Variants in SLC16A7 observed in about 807,000 individuals in gnomAD.
SLC16A7 encodes the protein monocarboxylate transporter 2.
Under a neutral mutation model 34.9 loss-of-function variants are expected in SLC16A7, and 33 were observed. The observed-to-expected ratio is 0.94, with a 90% CI of 0.72 to 1.26. The LOEUF (loss-of-function observed/expected upper bound fraction) is 1.26, where lower values mean the gene tolerates loss of function less well. Ranked by LOEUF, SLC16A7 falls within the 50% of genes most tolerant of loss-of-function variation. The pLI, the probability that SLC16A7 is intolerant of heterozygous loss-of-function variation, is 0.00. For synonymous variants in SLC16A7, 201 were observed against 206.6 expected, an observed-to-expected ratio of 0.97 and a Z score of 0.23; for missense variants, 573 against 578.1, an observed-to-expected ratio of 0.99 and a Z score of 0.09.
At chr12:59,631,139 T>C (rs1051063033) in intron 1 of SLC16A7, among the ~76,000 whole-genome samples, 4 of 151,976 alleles carry the variant, frequency 2.6e-5, no homozygotes, top group African/African-American at 9.7e-5. Context: ...GTTTTACATA[T>C]ACTACAAGGT....
chr12:59,754,506 G>A (rs983872306), intron 3 of SLC16A7, among the ~76,000 whole-genome samples: 1 of 151,376 alleles, frequency 6.6e-6, no homozygotes, highest in African/African-American at 2.4e-5. Flanking sequence ...AGAAAATCTA[G>A]AAGAAATGGA....
chr12:59,724,412 A>C (rs552915670), intron 3 of SLC16A7, among the ~76,000 whole-genome samples: 15 of 152,224 alleles, frequency 9.9e-5, no homozygotes, highest in Middle Eastern at 6.8e-3. Flanking sequence ...TTTTATGTCA[A>C]TATAGATAAT....
At position 59,788,625 on chromosome 12, in the gene SLC16A7, G is replaced by A. The variant is rs1319616489; in HGVS notation, c.*8946G>A. 1 of 151,826 alleles carries A rather than the reference G, an allele frequency of 6.6e-6. No individual in the cohort carries two copies. Among genetic ancestry groups the A allele is most frequent in the African/African-American group, 2.4e-5 (1 of 41,382 alleles). The allele number at this position is 151,826 out of a possible 1,614,324, so 9.4% of individuals were successfully genotyped here. ...TGTCAAAGTTTTAAAATATAAGATA[G>A]AACCTTCTTTTTTTGCCTTCTTACA... On this transcript the variant is annotated 3_prime_UTR_variant, in exon 6 of 6. Coordinates refer to ENST00000547379, the MANE Select transcript of SLC16A7 (RefSeq NM_001270623.2).
intron 3 of SLC16A7, chr12:59,733,731 C>T: frequency 6.6e-6 from 3 of 456,068 alleles, no homozygotes; most frequent in Non-Finnish European, 1.3e-5. Context: ...CCCAAGCTCC[C>T]ATCTCACCTC....
chr12:59,725,691 C>T (rs534964491), intron 3 of SLC16A7, among the ~76,000 whole-genome samples: 1 of 151,978 alleles, frequency 6.6e-6, no homozygotes, highest in South Asian at 2.1e-4. Context: ...ATAATAAATG[C>T]TTTTACTTTT....
rs1271656618 is a variant in SLC16A7 at position 59,596,234 on chromosome 12, AAAGT to A, written c.-130+4_-130+7del. Reference sequence around the variant, plus strand: ...GCCCACCCTGCGCCAGAGACCAGATAAAGTAAGTACAGCTGGGGAGGGAGGGGAG... The same window carrying A: ...GCCCACCCTGCGCCAGAGACCAGATAAAGTACAGCTGGGGAGGGAGGGGAG... On this transcript the variant is annotated splice_donor_variant and 5_prime_UTR_variant, in exon 1 of 6. Transcript: ENST00000547379. LOFTEE classifies it low-confidence loss of function (5UTR_SPLICE). This position sits in a 1 kb window ranked among gnomAD's most constrained non-coding sequence, Gnocchi z 5.0. The A allele has an allele frequency of 6.6e-5, 10 of 152,668 alleles. No individual in the cohort carries two copies. Among genetic ancestry groups the A allele is most frequent in the Non-Finnish European group, 1.0e-4 (7 of 68,256 alleles). 9.5% of individuals were successfully genotyped at this position (152,668 alleles called of 1,614,324 possible).
intron 3 of SLC16A7, among the ~76,000 whole-genome samples, chr12:59,765,847 T>C (rs1047732617): frequency 6.6e-6 from 1 of 152,168 alleles, no homozygotes; most frequent in African/African-American, 2.4e-5. Flanking sequence ...AACTTTAAAG[T>C]AGTTTTTTCC....
At chr12:59,682,861 G>A (rs1385206693) in intron 2 of SLC16A7, among the ~76,000 whole-genome samples, 2 of 152,174 alleles carry the variant, frequency 1.3e-5, no homozygotes, top group African/African-American at 4.8e-5. Context: ...GAGGTCGAGA[G>A]TTCGAGACCA....
chr12:59,664,127 C>T (rs1869007055), intron 2 of SLC16A7, among the ~76,000 whole-genome samples: 1 of 152,048 alleles, frequency 6.6e-6, no homozygotes, highest in Non-Finnish European at 1.5e-5. Context: ...AATCAAAACG[C>T]TGAGCTTCAG....
At chr12:59,771,161 GAT>G in intron 3 of SLC16A7, 56 bp from the exon 4 acceptor site, 1 of 1,526,544 alleles carries the variant, frequency 6.6e-7, no homozygotes, top group Non-Finnish European at 8.9e-7. Context: ...GGATGTTAAA[GAT>G]AAACAAATAA....
At chr12:59,645,418 T>G (rs919633317) in intron 1 of SLC16A7, among the ~76,000 whole-genome samples, 3 of 152,224 alleles carry the variant, frequency 2.0e-5, no homozygotes, top group Non-Finnish European at 4.4e-5. Context: ...AGTAAATGAG[T>G]TCTCACAAGA....
rs1272274255 is a variant in SLC16A7 at position 59,596,536 on chromosome 12, G to C, written c.-130+300G>C. Among the ~76,000 whole-genome samples, 1 of 152,012 alleles carries C rather than the reference G, an allele frequency of 6.6e-6. No homozygotes were observed. Among genetic ancestry groups the C allele is most frequent in the African/African-American group, 2.4e-5 (1 of 41,402 alleles). Reference sequence around the variant, plus strand: ...GGCAAGGAGCGCCTCGCGTGCTTTCGGCCAGGAGGTGCTCACGCTCTCGGC... The same window carrying C: ...GGCAAGGAGCGCCTCGCGTGCTTTCCGCCAGGAGGTGCTCACGCTCTCGGC... On this transcript the variant is annotated intron_variant, in intron 1 of 5. Coordinates refer to ENST00000547379, the MANE Select transcript of SLC16A7 (RefSeq NM_001270623.2). This position sits in a 1 kb window ranked among gnomAD's most constrained non-coding sequence, Gnocchi z 5.0.
chr12:59,746,751 A>G (rs774600301), intron 3 of SLC16A7, among the ~76,000 whole-genome samples: 10 of 152,234 alleles, frequency 6.6e-5, no homozygotes, highest in African/African-American at 1.2e-4. Flanking sequence ...TAAGAAATTT[A>G]TGGATGAGGA....
chr12:59,709,314 G>A lies in SLC16A7; in HGVS notation c.217+4296G>A, dbSNP rs549340259. On this transcript the variant is annotated intron_variant, in intron 3 of 5. Coordinates refer to ENST00000547379, the MANE Select transcript of SLC16A7 (RefSeq NM_001270623.2). ...TTTTCTGTTTTATGTGAATAGTGAC[G>A]GCCAATTGTGCTAAAGTAAGGGTGA... Among the ~76,000 whole-genome samples the A allele has an allele frequency of 1.5e-3, 234 of 151,514 alleles. 6 individuals are homozygous for A. The highest frequency in any genetic ancestry group is 5.2e-3 in the African/African-American group (214 of 40,954).
intron 2 of SLC16A7, among the ~76,000 whole-genome samples, chr12:59,666,911 G>T (rs374354569): frequency 6.6e-6 from 1 of 152,156 alleles, no homozygotes; most frequent in African/African-American, 2.4e-5. Context: ...GAGTTTGGAG[G>T]TGTATTAGTC....
At chr12:59,764,852 A>G (rs1881423279) in intron 3 of SLC16A7, among the ~76,000 whole-genome samples, 1 of 152,096 alleles carries the variant, frequency 6.6e-6, no homozygotes, top group South Asian at 2.1e-4. Flanking sequence ...ATACCCAGTA[A>G]TGGGATTGCT....
intron 1 of SLC16A7, among the ~76,000 whole-genome samples, chr12:59,618,024 A>T (rs895812565): frequency 1.3e-5 from 2 of 151,810 alleles, no homozygotes; most frequent in Non-Finnish European, 2.9e-5. Context: ...CTGTGACTCA[A>T]TTTTTTTGTA....
chr12:59,622,065 T>C (rs1202877896), intron 1 of SLC16A7, among the ~76,000 whole-genome samples: 1 of 151,870 alleles, frequency 6.6e-6, no homozygotes, highest in African/African-American at 2.4e-5. Context: ...GTGAATGCAC[T>C]GTGGGCCTCC....
chr12:59,620,596 C>T (rs1230468549), intron 1 of SLC16A7, among the ~76,000 whole-genome samples: 3 of 151,886 alleles, frequency 2.0e-5, no homozygotes, highest in Non-Finnish European at 2.9e-5. Flanking sequence ...CCTGTATTTT[C>T]ATCCTCGAGA....
Sources: allele counts gnomAD v4.1 joint callset (sites outside exome capture counted in the v4.1 genomes callset), GRCh38; gene constraint gnomAD v4.1.1; non-coding constraint Gnocchi (gnomAD v3.1); transcripts MANE v1.5; gene names NCBI Gene and HGNC (gene_info 2026-07-23, HGNC 2026-07-21).